WAC: variants seen among roughly 807,000 people sequenced by gnomAD.
WAC encodes WW domain containing adaptor with coiled-coil, also known as WW domain-containing adapter protein with coiled-coil.
In WAC, 11 loss-of-function variants were observed where a neutral mutation model predicts 79.6. That is an observed-to-expected ratio of 0.14 (90% CI 0.09 to 0.23). WAC has a LOEUF of 0.23. Ranked by LOEUF, WAC falls within the 10% of genes least tolerant of loss-of-function variation. WAC has a pLI of 1.00. For synonymous variants in WAC, 304 were observed against 276.9 expected (o/e 1.10, Z -0.97); for missense variants, 728 against 773.5 (o/e 0.94, Z 0.70).
intron 4 of WAC, among the ~76,000 whole-genome samples, chr10:28,588,021 C>A (rs919022509): frequency 1.3e-5 from 2 of 151,976 alleles, no homozygotes; most frequent in East Asian, 3.9e-4. Context: ...AGTTGGCAAA[C>A]CATCACTTGG....
chr10:28,614,169 G>A (rs956236870), intron 10 of WAC, among the ~76,000 whole-genome samples: 34 of 151,980 alleles, frequency 2.2e-4, no homozygotes, highest in African/African-American at 8.0e-4. Flanking sequence ...GCTGTGGCGC[G>A]ATCTCCGCTC....
intron 3 of WAC, among the ~76,000 whole-genome samples, chr10:28,557,360 T>C (rs1318836200): frequency 6.6e-6 from 1 of 152,226 alleles, no homozygotes; most frequent in Non-Finnish European, 1.5e-5. Context: ...ATAAAGGATA[T>C]GAGATTTTCT....
intron 3 of WAC, among the ~76,000 whole-genome samples, chr10:28,559,066 G>A (rs1838155220): frequency 6.6e-6 from 1 of 151,858 alleles, no homozygotes; most frequent in South Asian, 2.1e-4. Context: ...ATATCAGGCA[G>A]CCTAGTGTGT....
At chr10:28,549,833 G>A (rs1372166129) in intron 3 of WAC, among the ~76,000 whole-genome samples, 2 of 152,104 alleles carry the variant, frequency 1.3e-5, no homozygotes, top group East Asian at 1.9e-4. Flanking sequence ...CTCAGACTAG[G>A]TTTCTGGCTT....
intron 3 of WAC, 186 bp downstream of exon 3, chr10:28,535,943 T>A: frequency 1.8e-6 from 1 of 549,936 alleles, no homozygotes; most frequent in Non-Finnish European, 2.9e-6. Flanking sequence ...TGTGAGCATC[T>A]AAAAAGTGGA....
intron 3 of WAC, among the ~76,000 whole-genome samples, chr10:28,555,258 G>A (rs919192249): frequency 5.9e-5 from 9 of 151,948 alleles, no homozygotes; most frequent in Admixed American, 2.6e-4. Flanking sequence ...GGCCCTACAC[G>A]TTGTTAACTC....
chr10:28,547,930 T>C (rs1302840447), intron 3 of WAC, among the ~76,000 whole-genome samples: 2 of 148,298 alleles, frequency 1.3e-5, no homozygotes, highest in Non-Finnish European at 3.0e-5. Context: ...TTTTTTTTTT[T>C]CTTCTTTGAG....
At chr10:28,579,178 T>C (rs907069684) in intron 3 of WAC, among the ~76,000 whole-genome samples, 1 of 152,104 alleles carries the variant, frequency 6.6e-6, no homozygotes, top group Admixed American at 6.6e-5. Context: ...AGATGAATTT[T>C]TTTTTTTTTT....
chr10:28,576,728 G>C (rs1839264600), intron 3 of WAC, among the ~76,000 whole-genome samples: 1 of 152,138 alleles, frequency 6.6e-6, no homozygotes, highest in Admixed American at 6.5e-5. Flanking sequence ...TGCCCAGTAG[G>C]CATCCCTGGC....
At chr10:28,556,215 C>T (rs1389793082) in intron 3 of WAC, among the ~76,000 whole-genome samples, 1 of 151,828 alleles carries the variant, frequency 6.6e-6, no homozygotes, top group African/African-American at 2.4e-5. Flanking sequence ...TGCACCCTCA[C>T]CAACACTTAA....
At chr10:28,570,972 T>A in intron 3 of WAC, among the ~76,000 whole-genome samples, 1 of 84,040 alleles carries the variant, frequency 1.2e-5, no homozygotes. Flanking sequence ...TTTTTTTTTT[T>A]TTGAGTTGGA....
chr10:28,618,123 GCAT>G (rs1841554446), intron 13 of WAC: 1 of 177,490 alleles, frequency 5.6e-6, no homozygotes, highest in Middle Eastern at 2.5e-3. Flanking sequence ...ATTTGTCCTT[GCAT>G]CATCAATAGA....
At chr10:28,547,059 A>G (rs919647336) in intron 3 of WAC, among the ~76,000 whole-genome samples, 1 of 152,208 alleles carries the variant, frequency 6.6e-6, no homozygotes, top group Non-Finnish European at 1.5e-5. Context: ...GTTGGGTACA[A>G]AGATCTCTGT....
At chr10:28,584,468 T>G (rs1229725086) in intron 4 of WAC, among the ~76,000 whole-genome samples, 1 of 152,210 alleles carries the variant, frequency 6.6e-6, no homozygotes, top group African/African-American at 2.4e-5. Flanking sequence ...CAAGGAATAT[T>G]AATTATACAT....
intron 3 of WAC, among the ~76,000 whole-genome samples, chr10:28,546,191 C>T (rs942383449): frequency 6.6e-5 from 10 of 152,186 alleles, no homozygotes; most frequent in Admixed American, 2.0e-4. Flanking sequence ...AAGGTTCTGA[C>T]CTGTTCTGTA....
chr10:28,571,636 G>A lies in WAC; in HGVS notation c.275-11763G>A, dbSNP rs140989408. 1.6e-4 allele frequency among the ~76,000 whole-genome samples: 24 copies of A among 152,340 alleles called. No homozygotes were observed. The East Asian group carries it at 3.3e-3, about 21-fold the overall frequency. On this transcript the variant is annotated intron_variant, in intron 3 of 13. Coordinates refer to ENST00000354911, the MANE Select transcript of WAC (RefSeq NM_016628.5). ...TAATGTAACTCAGACAGATGAAAGC[G>A]CAGCATGTACTTGAAGATTGCTTTG...
At chr10:28,600,124 A>C (rs1840567645) in intron 7 of WAC, among the ~76,000 whole-genome samples, 1 of 152,182 alleles carries the variant, frequency 6.6e-6, no homozygotes, top group African/African-American at 2.4e-5. Context: ...ATTATGATTT[A>C]TTAGCAGAGA....
intron 6 of WAC, among the ~76,000 whole-genome samples, chr10:28,594,330 A>G (rs1271249748): frequency 1.3e-5 from 2 of 152,184 alleles, no homozygotes; most frequent in South Asian, 2.1e-4. Context: ...TATTCCTGCT[A>G]TGTCTGTCTC....
At chr10:28,560,855 C>G (rs1838266653) in intron 3 of WAC, among the ~76,000 whole-genome samples, 1 of 152,168 alleles carries the variant, frequency 6.6e-6, no homozygotes, top group African/African-American at 2.4e-5. Flanking sequence ...AATTTGTACA[C>G]TCCTGCTGTA....
Sources: gnomAD v4.1 joint callset for allele counts (sites outside exome capture counted in the v4.1 genomes callset) on GRCh38, gnomAD v4.1.1 for gene constraint, MANE v1.5 for transcripts, NCBI Gene and HGNC (gene_info 2026-07-23, HGNC 2026-07-21) for gene names.